The following MDFIC variants were observed in gnomAD, a reference collection of about 807,000 sequenced individuals.
MDFIC encodes MyoD family inhibitor domain containing.
Under a neutral mutation model 23.2 loss-of-function variants are expected in MDFIC, and 17 were observed. The ratio of observed to expected loss-of-function variants is 0.73; its 90% CI spans 0.50 to 1.10. The LOEUF is 1.10. Among genes scored for constraint, MDFIC ranks in the 50% least tolerant of loss-of-function variants. The pLI, the probability that MDFIC is intolerant of heterozygous loss-of-function variation, is 0.00. For synonymous variants in MDFIC, 120 were observed against 115.2 expected (o/e 1.04, Z -0.27); for missense variants, 356 against 316.6 (o/e 1.12, Z -0.95).
chr7:114,979,023 C>T (rs1036632846), intron 3 of MDFIC, among the ~76,000 whole-genome samples: 1 of 151,898 alleles, frequency 6.6e-6, no homozygotes, highest in African/African-American at 2.4e-5. Context: ...TTTAAAAACA[C>T]TGTATTTTTC....
chr7:114,977,036 AC>A (rs1240089006), intron 3 of MDFIC, among the ~76,000 whole-genome samples: 1 of 152,162 alleles, frequency 6.6e-6, no homozygotes, highest in Non-Finnish European at 1.5e-5. Context: ...ATAATCGCGA[AC>A]AGAAAAAAAG....
chr7:114,964,137 A>C (rs1793047438), intron 3 of MDFIC, among the ~76,000 whole-genome samples: 1 of 152,116 alleles, frequency 6.6e-6, no homozygotes, highest in Non-Finnish European at 1.5e-5. Context: ...TATTTTTCTA[A>C]CTATTGATGA....
chr7:114,994,680 C>G (rs1791281190), intron 4 of MDFIC, among the ~76,000 whole-genome samples: 1 of 152,202 alleles, frequency 6.6e-6, no homozygotes, highest in Non-Finnish European at 1.5e-5. Context: ...CATTGCCCCC[C>G]ACTCTCTTCT....
intron 2 of MDFIC, among the ~76,000 whole-genome samples, chr7:114,931,017 A>G (rs899884549): frequency 6.6e-6 from 1 of 152,242 alleles, no homozygotes; most frequent in Non-Finnish European, 1.5e-5. Flanking sequence ...ATGTATATGC[A>G]CCAGTATTTT....
At chr7:115,001,429 A>T (rs1046720698) in intron 4 of MDFIC, among the ~76,000 whole-genome samples, 1 of 152,186 alleles carries the variant, frequency 6.6e-6, no homozygotes, top group African/African-American at 2.4e-5. Context: ...GTTGAAGTTT[A>T]TTTTTTTCCT....
intron 4 of MDFIC, among the ~76,000 whole-genome samples, chr7:114,991,730 C>A (rs996178314): frequency 6.6e-6 from 1 of 152,132 alleles, no homozygotes; most frequent in African/African-American, 2.4e-5. Context: ...GGTACCAGTA[C>A]CATGCTGTTT....
rs185839842 is a variant in MDFIC, at chr7:114,994,004, A to T, written c.493+14223A>T. ...AGTCTAAGTCTCTTTGTAGGTCTCT[A>T]AGGAGTTGCTTTATGAATCTGGGTG... is the stretch of plus-strand genomic sequence containing the variant. On this transcript the variant is annotated intron_variant, in intron 4 of 4. Coordinates refer to ENST00000393486, the MANE Select transcript of MDFIC (RefSeq NM_001166345.3). 8.9e-4 allele frequency among the ~76,000 whole-genome samples: 135 copies of T among 152,188 alleles called. 3 individuals carry two copies. In the East Asian group the frequency reaches 0.025, roughly 28 times the overall value.
intron 4 of MDFIC, among the ~76,000 whole-genome samples, chr7:114,985,263 C>T (rs1397610790): frequency 6.6e-6 from 1 of 152,128 alleles, no homozygotes; most frequent in Non-Finnish European, 1.5e-5. Flanking sequence ...GCTTAGAATA[C>T]AGACTGGCTC....
At chr7:114,982,696 A>AAAAT (rs1198574647) in intron 4 of MDFIC, among the ~76,000 whole-genome samples, 8 of 152,124 alleles carry the variant, frequency 5.3e-5, no homozygotes, top group African/African-American at 1.4e-4. Flanking sequence ...CCCTGTCTCT[A>AAAAT]AAATAAATAA....
chr7:115,002,564 G>A (rs1791485767), intron 4 of MDFIC, among the ~76,000 whole-genome samples: 1 of 152,210 alleles, frequency 6.6e-6, no homozygotes, highest in Non-Finnish European at 1.5e-5. Context: ...TTCCACAGTG[G>A]CCATCTCATT....
chr7:114,991,914 G>A (rs907312345), intron 4 of MDFIC, among the ~76,000 whole-genome samples: 1 of 152,164 alleles, frequency 6.6e-6, no homozygotes, highest in Non-Finnish European at 1.5e-5. Context: ...GATGGGGATG[G>A]CATTGAATCT....
intron 3 of MDFIC, among the ~76,000 whole-genome samples, chr7:114,951,826 A>C (rs918524864): frequency 3.9e-5 from 6 of 152,228 alleles, no homozygotes; most frequent in African/African-American, 1.2e-4. Context: ...TAGGTGGACC[A>C]GGACATTCGG....
At chr7:114,934,888 C>T (rs1047745735) in intron 2 of MDFIC, among the ~76,000 whole-genome samples, 2 of 152,030 alleles carry the variant, frequency 1.3e-5, no homozygotes, top group African/African-American at 4.8e-5. Flanking sequence ...GTTGGTTTTG[C>T]AATGTTCCTT....
chr7:114,932,718 T>C (rs1196445369), intron 2 of MDFIC, among the ~76,000 whole-genome samples: 2 of 152,196 alleles, frequency 1.3e-5, no homozygotes, highest in Non-Finnish European at 2.9e-5. Context: ...GAAGAACTCA[T>C]TGCTCTACAG....
At chr7:114,964,107 A>G (rs917841120) in intron 3 of MDFIC, among the ~76,000 whole-genome samples, 2 of 152,120 alleles carry the variant, frequency 1.3e-5, no homozygotes, top group Non-Finnish European at 2.9e-5. Context: ...GTTTTTGTCT[A>G]CTGTTGGAAT....
chr7:114,976,259 C>G (rs1271123872), intron 3 of MDFIC, among the ~76,000 whole-genome samples: 4 of 152,016 alleles, frequency 2.6e-5, no homozygotes, highest in African/African-American at 7.2e-5. Context: ...GTCTCCCCAG[C>G]TTTGGTCAAT....
chr7:114,933,389 G>T (rs1027708133), intron 2 of MDFIC, among the ~76,000 whole-genome samples: 11 of 151,970 alleles, frequency 7.2e-5, no homozygotes, highest in Non-Finnish European at 1.5e-4. Context: ...CTCCTGAGTA[G>T]CTGGGATTAC....
intron 3 of MDFIC, among the ~76,000 whole-genome samples, chr7:114,966,791 G>A (rs1793105713): frequency 6.6e-6 from 1 of 152,196 alleles, no homozygotes; most frequent in Admixed American, 6.5e-5. Flanking sequence ...TGATGCCACA[G>A]GGCAGGGTTA....
rs1444218394 is a variant in MDFIC at position 114,965,591 on chromosome 7, G to T, written c.218-13915G>T. On this transcript the variant is annotated intron_variant, in intron 3 of 4. Coordinates refer to ENST00000393486, the MANE Select transcript of MDFIC (RefSeq NM_001166345.3). ...CACAGTTGACATTTGAGAGATACTT[G>T]TGTGCAAGGCACACAGCAAAGGTTA... Among the ~76,000 whole-genome samples, 5 of 152,134 alleles carry T rather than the reference G, an allele frequency of 3.3e-5. 1 individual carries two copies. Among genetic ancestry groups the T allele is most frequent in the African/African-American group, 1.2e-4 (5 of 41,414 alleles).
Sources: allele counts gnomAD v4.1 joint callset (sites outside exome capture counted in the v4.1 genomes callset), GRCh38; gene constraint gnomAD v4.1.1; transcripts MANE v1.5; gene names NCBI Gene and HGNC (gene_info 2026-07-23, HGNC 2026-07-21).